Variants in APLP2 observed in about 807,000 individuals in gnomAD.
APLP2 encodes amyloid beta precursor like protein 2, also known as CDEI box-binding protein.
In APLP2, 53 loss-of-function variants were observed where a neutral mutation model predicts 89.9. The observed-to-expected ratio is 0.59, with a 90% CI of 0.47 to 0.74. The LOEUF is 0.74. Ranked by LOEUF, APLP2 falls within the 30% of genes least tolerant of loss-of-function variation. APLP2 has a pLI of 0.00. For synonymous variants in APLP2, 372 were observed against 348.6 expected (o/e 1.07, Z -0.75); for missense variants, 973 against 975.9 (o/e 1.00, Z 0.04).
At chr11:130,109,700 TA>T in intron 2 of APLP2, 98 bp downstream of exon 2, 1 of 1,335,058 alleles carries the variant, frequency 7.5e-7, no homozygotes, top group East Asian at 2.6e-5. Flanking sequence ...TCTTTTGACC[TA>T]AGACCAAGAT....
intron 10 of APLP2, 101 bp downstream of exon 10, chr11:130,129,307 T>A: frequency 7.3e-7 from 1 of 1,369,222 alleles, no homozygotes; most frequent in Non-Finnish European, 9.8e-7. Flanking sequence ...TGACAAGTTC[T>A]GGCAAAGCTG....
At position 130,120,679 on chromosome 11, in the gene APLP2, C is replaced by A. The variant is rs140196725; in HGVS notation, c.404-27C>A. The stretch of plus-strand genomic sequence containing the variant: ...TTCACCTTGAAATCATGGTCAGATC[C>A]GCTCTGACAAAGATTCTCTTTTCCA... On this transcript the variant is annotated intron_variant, in intron 3 of 16. Transcript: ENST00000338167. The A allele has an allele frequency of 1.0e-3, 1,581 of 1,526,890 alleles. 3 individuals are homozygous for A. The highest frequency in any genetic ancestry group is 1.3e-3 in the Non-Finnish European group (1,478 of 1,100,718). The allele number at this position is 1,526,890 out of a possible 1,614,324, so 94.6% of individuals were successfully genotyped here.
chr11:130,130,041 C>T lies in APLP2; in HGVS notation c.1459C>T (p.His487Tyr). ...AAACAACTGTTCTCTCTTGCAGCCT[C>T]ATCGCATTCTCCAGGCCTTACGGCG... Reference protein sequence around the residue: ...AALQSDPPRPHRILQALRRYV... With the variant: ...AALQSDPPRPYRILQALRRYV... The change falls in exon 11 of 17, where the codon CAT becomes TAT. Residue 487 changes from histidine (H) to tyrosine (Y), a missense_variant. By Grantham distance (83) the His-to-Tyr change is moderately conservative (BLOSUM62 2). Coordinates refer to ENST00000338167, the MANE Select transcript of APLP2 (RefSeq NM_001142276.2). 1 of 1,614,204 alleles carries T rather than the reference C, an allele frequency of 6.2e-7. No individual in the cohort carries two copies. Among genetic ancestry groups the T allele is most frequent in the Admixed American group, 1.7e-5 (1 of 60,034 alleles).
intron 1 of APLP2, among the ~76,000 whole-genome samples, chr11:130,104,063 G>A (rs1947307848): frequency 6.6e-6 from 1 of 152,012 alleles, no homozygotes; most frequent in Non-Finnish European, 1.5e-5. Context: ...AGGATTCGGG[G>A]GAGAGCACTG....
At chr11:130,135,233 G>C (rs978336628) in intron 12 of APLP2, among the ~76,000 whole-genome samples, 5 of 152,134 alleles carry the variant, frequency 3.3e-5, no homozygotes, top group Admixed American at 2.6e-4. Flanking sequence ...GGTGATGTGT[G>C]TGTTTGCTTG....
Position 130,096,925 on chromosome 11 carries a change from T to A in APLP2, c.106-12504T>A, listed in dbSNP as rs529532276. ...AGCAAGCAGTAAATATACTGACTAG[T>A]GGCTCATACTTGCTTTATTACTTCA... is the stretch of plus-strand genomic sequence containing the variant. On this transcript the variant is annotated intron_variant, in intron 1 of 16. Coordinates refer to ENST00000338167, the MANE Select transcript of APLP2 (RefSeq NM_001142276.2). Among the ~76,000 whole-genome samples the A allele has an allele frequency of 3.9e-5, 6 of 152,362 alleles. No homozygotes were observed. In the East Asian group the frequency reaches 1.2e-3, roughly 29 times the overall value.
intron 1 of APLP2, among the ~76,000 whole-genome samples, chr11:130,075,726 T>C (rs1451295652): frequency 6.6e-6 from 1 of 152,214 alleles, no homozygotes; most frequent in Admixed American, 6.5e-5. Flanking sequence ...AGGCCGAGGG[T>C]TGAACATCAC....
At chr11:130,087,826 A>T (rs1375180073) in intron 1 of APLP2, among the ~76,000 whole-genome samples, 1 of 152,106 alleles carries the variant, frequency 6.6e-6, no homozygotes, top group African/African-American at 2.4e-5. Context: ...CTTCCTCAGG[A>T]TCTACATTAA....
At chr11:130,109,188 TAAAATA>T (rs989173131) in intron 1 of APLP2, 1 of 258,904 alleles carries the variant, frequency 3.9e-6, no homozygotes, top group African/African-American at 2.2e-5. Flanking sequence ...CCCTAGAACT[TAAAATA>T]TAATAAATAA....
chr11:130,092,492 G>A (rs1945505667), intron 1 of APLP2, among the ~76,000 whole-genome samples: 2 of 139,850 alleles, frequency 1.4e-5, no homozygotes. Context: ...GGCCGAGGTT[G>A]GCGGATCACT....
rs187535926 is a variant in APLP2, at chr11:130,128,931, G to A, written c.1297-117G>A. 6 of 1,165,532 alleles carry A rather than the reference G, an allele frequency of 5.1e-6. No individual in the cohort carries two copies. The Admixed American group carries it at 8.2e-5, about 16-fold the overall frequency. The allele number at this position is 1,165,532 out of a possible 1,614,324, so 72.2% of individuals were successfully genotyped here. Reference sequence around the variant, plus strand: ...GGATCTTACCCTTGCTCCACTCTCCGAACCTGTTACTGTCTCGCATGGGCA... The same window carrying A: ...GGATCTTACCCTTGCTCCACTCTCCAAACCTGTTACTGTCTCGCATGGGCA... On this transcript the variant is annotated intron_variant, in intron 9 of 16. Coordinates refer to ENST00000338167, the MANE Select transcript of APLP2 (RefSeq NM_001142276.2).
At chr11:130,137,489 G>A (rs977104838) in intron 13 of APLP2, among the ~76,000 whole-genome samples, 1 of 152,208 alleles carries the variant, frequency 6.6e-6, no homozygotes, top group Non-Finnish European at 1.5e-5. Flanking sequence ...TCTGAGGCCA[G>A]TTTCCATGGT....
At chr11:130,076,426 G>A (rs973417010) in intron 1 of APLP2, among the ~76,000 whole-genome samples, 1 of 152,138 alleles carries the variant, frequency 6.6e-6, no homozygotes, top group African/African-American at 2.4e-5. Context: ...TTAGTAGTAA[G>A]TTGTGTCATT....
chr11:130,089,208 C>G (rs1944541674), intron 1 of APLP2, among the ~76,000 whole-genome samples: 1 of 152,196 alleles, frequency 6.6e-6, no homozygotes, highest in African/African-American at 2.4e-5. Flanking sequence ...CTGCTCCTGC[C>G]TTTGTTCATC....
At chr11:130,075,019 A>G (rs1347517892) in intron 1 of APLP2, among the ~76,000 whole-genome samples, 1 of 152,244 alleles carries the variant, frequency 6.6e-6, no homozygotes, top group Non-Finnish European at 1.5e-5. Context: ...ACCTTGATTT[A>G]TGGCCTAAGA....
chr11:130,138,343 G>T (rs2136122880), intron 13 of APLP2, among the ~76,000 whole-genome samples: 1 of 151,220 alleles, frequency 6.6e-6, no homozygotes, highest in Non-Finnish European at 1.5e-5. Flanking sequence ...TATTCTACTT[G>T]GATATGCCTG....
intron 7 of APLP2, among the ~76,000 whole-genome samples, chr11:130,124,927 C>A (rs756745690): frequency 9.8e-5 from 15 of 152,330 alleles, no homozygotes; most frequent in Non-Finnish European, 1.8e-4. Flanking sequence ...CCTGAGGAAT[C>A]CCACTGAGTG....
At chr11:130,090,831 T>A (rs1944876242) in intron 1 of APLP2, among the ~76,000 whole-genome samples, 1 of 150,088 alleles carries the variant, frequency 6.7e-6, no homozygotes, top group African/African-American at 2.5e-5. Context: ...CACCTCCCAG[T>A]AGGGGCGGCC....
At position 130,143,859 on chromosome 11, in the gene APLP2, T is replaced by A. The variant is rs992693301; in HGVS notation, c.*411T>A. ...TGTTGTGTAAGTCAACTCTTCAGCC[T>A]CATTCACTGTCCTGGCTTTTATTTA... is the stretch of plus-strand genomic sequence containing the variant. On this transcript the variant is annotated 3_prime_UTR_variant, in exon 17 of 17. Transcript: ENST00000338167. The A allele has an allele frequency of 1.1e-4, 19 of 167,680 alleles. 1 individual carries two copies. The highest frequency in any genetic ancestry group is 5.2e-5 in the Non-Finnish European group (4 of 77,136). 10.4% of individuals were successfully genotyped at this position (167,680 alleles called of 1,614,324 possible).
Sources: gnomAD v4.1 joint callset for allele counts (sites outside exome capture counted in the v4.1 genomes callset) on GRCh38, gnomAD v4.1.1 for gene constraint, MANE v1.5 for transcripts, NCBI Gene and HGNC (gene_info 2026-07-23, HGNC 2026-07-21) for gene names.